Variants in STK4 observed in about 807,000 individuals in gnomAD.
STK4 encodes serine/threonine kinase 4.
Under a neutral mutation model 64.9 loss-of-function variants are expected in STK4, and 30 were observed. The observed-to-expected ratio is 0.46, with a 90% CI of 0.35 to 0.63. The LOEUF (loss-of-function observed/expected upper bound fraction) is 0.63. Ranked by LOEUF, STK4 falls within the 20% of genes least tolerant of loss-of-function variation. The pLI, the probability that STK4 is intolerant of heterozygous loss-of-function variation, is 0.01. For missense variants in STK4, 466 were observed against 598.5 expected, an observed-to-expected ratio of 0.78 and a Z score of 2.31; for synonymous variants, 177 against 199.0, an observed-to-expected ratio of 0.89 and a Z score of 0.93.
At chr20:44,967,926 A>G (rs1477823917) in intron 1 of STK4, among the ~76,000 whole-genome samples, 1 of 152,202 alleles carries the variant, frequency 6.6e-6, no homozygotes, top group Non-Finnish European at 1.5e-5. Flanking sequence ...GAAGCATATG[A>G]AATTGCTGAT....
At chr20:45,070,172 T>C (rs1422233347) in intron 10 of STK4, among the ~76,000 whole-genome samples, 2 of 152,108 alleles carry the variant, frequency 1.3e-5, no homozygotes, top group Non-Finnish European at 2.9e-5. Context: ...TAATAGATTA[T>C]GAAGTTGGAG....
intron 10 of STK4, among the ~76,000 whole-genome samples, chr20:45,027,316 G>A (rs889371849): frequency 1.3e-5 from 2 of 151,494 alleles, no homozygotes; most frequent in Admixed American, 6.6e-5. Context: ...TGTAATCCCA[G>A]CTACTCGGGA....
At position 44,987,219 on chromosome 20, in the gene STK4, A is replaced by G; in HGVS notation, c.448A>G (p.Ile150Val). The change falls in exon 5 of 11, where the codon ATC becomes GTC. Residue 150 changes from isoleucine to valine, a missense_variant. Transcript: ENST00000372806. ...LHFMRKIHRD[I>V]KAGNILLNTE... ...TTTTATGAGAAAAATACACCGAGAT[A>G]TCAAGGCAGGAAATATTTTGCTAAA... 6.2e-7 allele frequency: 1 copy of G among 1,613,252 alleles called. No homozygotes were observed.
At chr20:45,005,005 T>C (rs1161343166) in intron 9 of STK4, among the ~76,000 whole-genome samples, 1 of 151,732 alleles carries the variant, frequency 6.6e-6, no homozygotes, top group Non-Finnish European at 1.5e-5. Context: ...ACTCTTGACC[T>C]CGTAATCCGC....
intron 10 of STK4, among the ~76,000 whole-genome samples, chr20:45,072,019 C>CGGGA (rs1980112107): frequency 6.6e-6 from 1 of 152,218 alleles, no homozygotes; most frequent in Non-Finnish European, 1.5e-5. Context: ...CCACCTTGGT[C>CGGGA]TCCCAGAGTG....
At chr20:45,041,449 G>A (rs1210128124) in intron 10 of STK4, among the ~76,000 whole-genome samples, 1 of 152,148 alleles carries the variant, frequency 6.6e-6, no homozygotes, top group East Asian at 1.9e-4. Context: ...GCCATACATA[G>A]AGATAGTCCT....
intron 5 of STK4, among the ~76,000 whole-genome samples, chr20:44,989,253 C>T (rs1270432230): frequency 6.6e-6 from 1 of 152,200 alleles, no homozygotes; most frequent in African/African-American, 2.4e-5. Flanking sequence ...TCCAACTTCT[C>T]TGCATCCTCG....
chr20:44,972,008 A>G, intron 1 of STK4, 70 bp from the exon 2 acceptor site: 12 of 1,441,712 alleles, frequency 8.3e-6, no homozygotes, highest in Non-Finnish European at 1.2e-5. Flanking sequence ...ATTATAAAAA[A>G]AAGATATATT....
intron 3 of STK4, 123 bp from the exon 4 acceptor site, chr20:44,981,706 T>G (rs2067442888): frequency 1.7e-6 from 1 of 572,074 alleles, no homozygotes. Flanking sequence ...GTTGTCCATT[T>G]TATCCTTAAC....
At chr20:45,007,542 A>G (rs367726070) in intron 9 of STK4, among the ~76,000 whole-genome samples, 2,880 of 150,322 alleles carry the variant, frequency 0.019, 102 homozygotes, top group African/African-American at 0.063. Context: ...GCGAGACTCC[A>G]TCTCAAAAAA....
intron 7 of STK4, among the ~76,000 whole-genome samples, chr20:44,998,243 G>C (rs1426690924): frequency 1.3e-5 from 2 of 152,168 alleles, no homozygotes; most frequent in Non-Finnish European, 2.9e-5. Context: ...TTGGATCCTG[G>C]TCAGATTGCC....
intron 9 of STK4, among the ~76,000 whole-genome samples, chr20:45,015,437 C>A (rs868727934): frequency 6.6e-6 from 1 of 152,208 alleles, no homozygotes; most frequent in Non-Finnish European, 1.5e-5. Context: ...TCTTTTACCA[C>A]GGTAGCCTTA....
At chr20:45,062,467 G>A (rs2145463973) in intron 10 of STK4, among the ~76,000 whole-genome samples, 1 of 152,080 alleles carries the variant, frequency 6.6e-6, no homozygotes, top group Non-Finnish European at 1.5e-5. Flanking sequence ...TGGGCCAAAT[G>A]GTAATGCTGT....
intron 10 of STK4, among the ~76,000 whole-genome samples, chr20:45,034,870 T>C (rs1448799680): frequency 6.6e-6 from 1 of 152,024 alleles, no homozygotes; most frequent in African/African-American, 2.4e-5. Flanking sequence ...TGAGCTAGGA[T>C]TGCACCACTG....
At chr20:44,990,425 A>G (rs1163313657) in intron 5 of STK4, among the ~76,000 whole-genome samples, 4 of 151,180 alleles carry the variant, frequency 2.6e-5, no homozygotes, top group African/African-American at 9.7e-5. Flanking sequence ...AACTGTGAAC[A>G]TGTATGTTGT....
At chr20:45,039,259 A>T (rs2068575131) in intron 10 of STK4, among the ~76,000 whole-genome samples, 1 of 152,068 alleles carries the variant, frequency 6.6e-6, no homozygotes, top group Admixed American at 6.6e-5. Flanking sequence ...CATTTGGAAG[A>T]TGTTGGTTCA....
chr20:45,008,411 C>T (rs1029861264), intron 9 of STK4, among the ~76,000 whole-genome samples: 3 of 152,066 alleles, frequency 2.0e-5, no homozygotes, highest in Admixed American at 6.6e-5. Flanking sequence ...TATTCCATGG[C>T]GTATATGTAT....
At chr20:45,044,890 C>T (rs2068669416) in intron 10 of STK4, among the ~76,000 whole-genome samples, 1 of 152,068 alleles carries the variant, frequency 6.6e-6, no homozygotes, top group African/African-American at 2.4e-5. Context: ...CTGCTTTTCC[C>T]ACAGAGTTGG....
intron 9 of STK4, among the ~76,000 whole-genome samples, chr20:45,018,335 T>C (rs1942746759): frequency 6.6e-6 from 1 of 152,168 alleles, no homozygotes; most frequent in South Asian, 2.1e-4. Flanking sequence ...AGAGTCATTG[T>C]AGGAATTAAG....
Sources: gnomAD v4.1 joint callset for allele counts (sites outside exome capture counted in the v4.1 genomes callset) on GRCh38, gnomAD v4.1.1 for gene constraint, MANE v1.5 for transcripts, NCBI Gene and HGNC (gene_info 2026-07-23, HGNC 2026-07-21) for gene names.